Variants in SYNPO2 observed in about 807,000 individuals in gnomAD.
SYNPO2 encodes the protein synaptopodin-2.
SYNPO2 carries 56 observed loss-of-function variants against 85.0 expected under a neutral mutation model. That is an observed-to-expected ratio of 0.66 (90% CI 0.53 to 0.82). The LOEUF (loss-of-function observed/expected upper bound fraction) is 0.82, where lower values mean the gene tolerates loss of function less well. Among genes scored for constraint, SYNPO2 ranks in the 40% least tolerant of loss-of-function variants. The probability of loss-of-function intolerance (pLI) is 0.00; values close to 1 mark genes in which losing one functional copy is unlikely to be tolerated. For missense variants in SYNPO2, 1,575 were observed against 1,534.2 expected (o/e 1.03, Z -0.44); for synonymous variants, 602 against 591.1 (o/e 1.02, Z -0.27).
intron 4 of SYNPO2, chr4:119,033,510 A>G: frequency 1.0e-6 from 1 of 985,402 alleles, no homozygotes; most frequent in Non-Finnish European, 1.2e-6. Context: ...TTCGACATGA[A>G]TTAATGTAGA....
intron 1 of SYNPO2, among the ~76,000 whole-genome samples, chr4:118,875,250 G>A (rs1314622631): frequency 6.6e-6 from 1 of 152,098 alleles, no homozygotes; most frequent in African/African-American, 2.4e-5. Flanking sequence ...TCTTTATCCA[G>A]TCTATCATTG....
chr4:118,873,690 T>C (rs1731845459), intron 1 of SYNPO2, among the ~76,000 whole-genome samples: 1 of 152,230 alleles, frequency 6.6e-6, no homozygotes, highest in African/African-American at 2.4e-5. Context: ...CAGAAGCTTT[T>C]TAGTTGAATT....
chr4:118,984,597 AG>A (rs1736148230), intron 1 of SYNPO2, among the ~76,000 whole-genome samples: 1 of 152,184 alleles, frequency 6.6e-6, no homozygotes, highest in South Asian at 2.1e-4. Context: ...TCCCTCTGCC[AG>A]TGGTGTCTTT....
intron 1 of SYNPO2, among the ~76,000 whole-genome samples, chr4:118,964,346 C>T (rs1238926287): frequency 1.4e-5 from 2 of 139,688 alleles, no homozygotes; most frequent in African/African-American, 5.5e-5. Context: ...ACACACTAGC[C>T]AGGTGTGGTA....
At chr4:118,981,013 T>C (rs1735986783) in intron 1 of SYNPO2, among the ~76,000 whole-genome samples, 2 of 152,228 alleles carry the variant, frequency 1.3e-5, no homozygotes. Flanking sequence ...TCTGGGCTTT[T>C]CCCACAGCAC....
At chr4:118,960,350 A>G (rs1406797979) in intron 1 of SYNPO2, among the ~76,000 whole-genome samples, 1 of 152,252 alleles carries the variant, frequency 6.6e-6, no homozygotes, top group African/African-American at 2.4e-5. Context: ...ATATCACTAC[A>G]TACATATCAG....
intron 1 of SYNPO2, among the ~76,000 whole-genome samples, chr4:118,939,774 T>C (rs939194915): frequency 6.6e-6 from 1 of 152,154 alleles, no homozygotes; most frequent in Admixed American, 6.5e-5. Context: ...ATATTATAGA[T>C]CTATTAAAAA....
intron 1 of SYNPO2, among the ~76,000 whole-genome samples, chr4:118,902,284 C>T (rs1450604978): frequency 6.6e-6 from 1 of 152,140 alleles, no homozygotes; most frequent in East Asian, 1.9e-4. Flanking sequence ...CTCTAGAGCA[C>T]CTGTATTCGT....
intron 1 of SYNPO2, among the ~76,000 whole-genome samples, chr4:119,000,442 G>A (rs2149172813): frequency 6.6e-6 from 1 of 152,274 alleles, no homozygotes; most frequent in South Asian, 2.1e-4. Flanking sequence ...AAGACTTCCT[G>A]ATGACTGTCA....
At chr4:119,055,051 A>C (rs1739168818) in intron 4 of SYNPO2, among the ~76,000 whole-genome samples, 1 of 152,166 alleles carries the variant, frequency 6.6e-6, no homozygotes, top group African/African-American at 2.4e-5. Context: ...GAGTCTTACC[A>C]CTTCTCACAG....
intron 1 of SYNPO2, among the ~76,000 whole-genome samples, chr4:118,964,297 A>AACACACACACACACACACACAC (rs10523074): frequency 2.8e-5 from 4 of 140,616 alleles, no homozygotes; most frequent in African/African-American, 8.1e-5. Context: ...AAACACACAC[A>AACACACACACACACACACACAC]ACACACACAC....
chr4:119,014,466 A>G (rs1244168478), intron 1 of SYNPO2, among the ~76,000 whole-genome samples: 1 of 152,192 alleles, frequency 6.6e-6, no homozygotes, highest in African/African-American at 2.4e-5. Flanking sequence ...TAATACCACT[A>G]TTCTCACTAC....
At chr4:118,881,779 C>T (rs1383512678) in intron 1 of SYNPO2, among the ~76,000 whole-genome samples, 1 of 152,172 alleles carries the variant, frequency 6.6e-6, no homozygotes, top group African/African-American at 2.4e-5. Context: ...TCACACTGCT[C>T]GTTCTCTCCC....
intron 4 of SYNPO2, among the ~76,000 whole-genome samples, chr4:119,054,519 G>T (rs1379838789): frequency 6.6e-6 from 1 of 152,138 alleles, no homozygotes. Context: ...AGGATGGGCA[G>T]GTTGTCTTCC....
intron 1 of SYNPO2, among the ~76,000 whole-genome samples, chr4:118,968,881 C>T (rs1446361452): frequency 6.6e-6 from 1 of 152,142 alleles, no homozygotes; most frequent in Non-Finnish European, 1.5e-5. Flanking sequence ...AATTCCTTGG[C>T]CTTTGAACCC....
chr4:119,054,150 C>T (rs1739136819), intron 4 of SYNPO2, among the ~76,000 whole-genome samples: 1 of 152,360 alleles, frequency 6.6e-6, no homozygotes, highest in African/African-American at 2.4e-5. Flanking sequence ...TCTGGCTGGC[C>T]ACTCCGGGCG....
chr4:119,032,157 A>G (rs1738303322), intron 4 of SYNPO2, 130 bp downstream of exon 4: 2 of 1,482,600 alleles, frequency 1.3e-6, no homozygotes, highest in African/African-American at 1.4e-5. Context: ...AACTTACTTA[A>G]TTTCAGATAT....
intron 1 of SYNPO2, among the ~76,000 whole-genome samples, chr4:118,965,703 G>C (rs1433034973): frequency 6.6e-6 from 1 of 152,034 alleles, no homozygotes; most frequent in Non-Finnish European, 1.5e-5. Context: ...ACTATTATCG[G>C]TGCTGGAAAT....
intron 4 of SYNPO2, chr4:119,043,937 CAAAAAAAAAAAAAAAAA>C (rs34238900): frequency 7.4e-5 from 5 of 67,872 alleles, no homozygotes; most frequent in South Asian, 8.5e-4. Flanking sequence ...GACTCCGTCT[CAAAAAAAAAAAAAAAAA>C]AAAAAAAAAA....
Sources: allele counts gnomAD v4.1 joint callset (sites outside exome capture counted in the v4.1 genomes callset), GRCh38; gene constraint gnomAD v4.1.1; transcripts MANE v1.5; gene names NCBI Gene and HGNC (gene_info 2026-07-23, HGNC 2026-07-21).